MAPK8: variants seen among roughly 807,000 people sequenced by gnomAD.
MAPK8 encodes the protein mitogen-activated protein kinase 8.
In MAPK8, 13 loss-of-function variants were observed where a neutral mutation model predicts 52.9. The ratio of observed to expected loss-of-function variants is 0.25; its 90% CI spans 0.16 to 0.39. The LOEUF is 0.39. Among genes scored for constraint, MAPK8 ranks in the 10% least tolerant of loss-of-function variants. The pLI is 1.00. For missense variants in MAPK8, 300 were observed against 519.2 expected (o/e 0.58, Z 4.10); for synonymous variants, 191 against 169.8 (o/e 1.12, Z -0.97).
At chr10:48,310,179 C>G (rs1841834831) in intron 1 of MAPK8, among the ~76,000 whole-genome samples, 1 of 152,168 alleles carries the variant, frequency 6.6e-6, no homozygotes, top group African/African-American at 2.4e-5. Context: ...TCATCAAATT[C>G]TGGAGCTTTA....
chr10:48,380,089 A>G (rs1373300137), intron 1 of MAPK8, among the ~76,000 whole-genome samples: 1 of 152,144 alleles, frequency 6.6e-6, no homozygotes, highest in East Asian at 1.9e-4. Context: ...TAAAAATACA[A>G]AAATTAGCCG....
chr10:48,373,787 A>T (rs1040043540), intron 1 of MAPK8, among the ~76,000 whole-genome samples: 4 of 151,992 alleles, frequency 2.6e-5, no homozygotes, highest in African/African-American at 9.7e-5. Flanking sequence ...AGACTCCCAC[A>T]CAATAATAGT....
chr10:48,427,305 C>T (rs1040537249), intron 10 of MAPK8, 162 bp downstream of exon 10: 3 of 497,404 alleles, frequency 6.0e-6, no homozygotes, highest in South Asian at 2.3e-5. Context: ...TGCTTCCTTC[C>T]TTAACTTAAT....
chr10:48,378,275 A>C (rs2040792540), intron 1 of MAPK8, among the ~76,000 whole-genome samples: 1 of 152,180 alleles, frequency 6.6e-6, no homozygotes, highest in Admixed American at 6.5e-5. Flanking sequence ...CCAAAAGCTG[A>C]CTTAGGATGG....
At chr10:48,407,358 GTGTC>G (rs983311439) in intron 3 of MAPK8, among the ~76,000 whole-genome samples, 2 of 152,100 alleles carry the variant, frequency 1.3e-5, no homozygotes, top group Admixed American at 1.3e-4. Flanking sequence ...TTCATATACT[GTGTC>G]TGGTTGCATT....
At chr10:48,383,411 A>G (rs1380898299) in intron 1 of MAPK8, among the ~76,000 whole-genome samples, 1 of 152,234 alleles carries the variant, frequency 6.6e-6, no homozygotes, top group East Asian at 1.9e-4. Flanking sequence ...GGGTACCCTA[A>G]AGGGTCAAGA....
intron 1 of MAPK8, among the ~76,000 whole-genome samples, chr10:48,380,315 A>G (rs937114902): frequency 6.6e-6 from 1 of 152,232 alleles, no homozygotes; most frequent in African/African-American, 2.4e-5. Context: ...ATTGCATACA[A>G]TTTTGGAACA....
At chr10:48,341,204 G>A (rs1201589579) in intron 1 of MAPK8, among the ~76,000 whole-genome samples, 3 of 152,210 alleles carry the variant, frequency 2.0e-5, no homozygotes, top group Non-Finnish European at 4.4e-5. Context: ...ATACTGGACA[G>A]TGAAATGTTT....
intron 1 of MAPK8, among the ~76,000 whole-genome samples, chr10:48,324,503 GTTTTT>G (rs370766776): frequency 1.7e-5 from 2 of 118,020 alleles, no homozygotes; most frequent in Non-Finnish European, 3.3e-5. Context: ...CTGTTTTCTA[GTTTTT>G]TTTTTTTTTT....
intron 1 of MAPK8, among the ~76,000 whole-genome samples, chr10:48,348,010 C>T (rs1345278388): frequency 2.0e-5 from 3 of 152,240 alleles, no homozygotes; most frequent in Non-Finnish European, 4.4e-5. Flanking sequence ...TACACTCCCA[C>T]TAACAGTGTA....
Position 48,437,948 on chromosome 10 carries a change from GA to G in MAPK8, c.*2922del, listed in dbSNP as rs2044987140. 1 of 152,244 alleles carries G rather than the reference GA, an allele frequency of 6.6e-6. No homozygotes were observed. Among genetic ancestry groups the G allele is most frequent in the African/African-American group, 2.4e-5 (1 of 41,470 alleles). The allele number at this position is 152,244 out of a possible 1,614,324, so 9.4% of individuals were successfully genotyped here. ...GAAGAGGACATCAGTGTCTGATAGT[GA>G]AATCATCAGCAGGAAAGTGAAGCTC... On this transcript the variant is annotated 3_prime_UTR_variant, in exon 12 of 12. Transcript: ENST00000374189.
At chr10:48,337,127 CACACGT>C (rs978079743) in intron 1 of MAPK8, among the ~76,000 whole-genome samples, 1 of 152,132 alleles carries the variant, frequency 6.6e-6, no homozygotes, top group African/African-American at 2.4e-5. Context: ...GGACGTAATA[CACACGT>C]ACAGAATACC....
chr10:48,386,897 T>C (rs1162163170), intron 1 of MAPK8, among the ~76,000 whole-genome samples: 3 of 152,230 alleles, frequency 2.0e-5, no homozygotes, highest in Non-Finnish European at 4.4e-5. Flanking sequence ...ATAACTTGAA[T>C]GTCTGAATGA....
At chr10:48,342,138 C>T (rs1175723728) in intron 1 of MAPK8, among the ~76,000 whole-genome samples, 2 of 152,204 alleles carry the variant, frequency 1.3e-5, no homozygotes, top group Admixed American at 1.3e-4. Flanking sequence ...GACGGGGTCT[C>T]TGTTGCTTAG....
chr10:48,318,336 A>G (rs1185012200), intron 1 of MAPK8, among the ~76,000 whole-genome samples: 1 of 152,216 alleles, frequency 6.6e-6, no homozygotes, highest in African/African-American at 2.4e-5. Flanking sequence ...CCTTCACAGC[A>G]ACTACATTAG....
chr10:48,381,319 T>C (rs1347878786), intron 1 of MAPK8, among the ~76,000 whole-genome samples: 1 of 152,178 alleles, frequency 6.6e-6, no homozygotes, highest in Non-Finnish European at 1.5e-5. Flanking sequence ...CTTTAACCTC[T>C]AAACTAGGCA....
In MAPK8 at chr10:48,404,927, T is replaced by C. The variant is rs2042380442; in HGVS notation, c.198T>C (p.His66=). The C allele has an allele frequency of 6.2e-7, 1 of 1,610,074 alleles. No individual in the cohort carries two copies. The highest frequency in any genetic ancestry group is 1.3e-5 in the African/African-American group (1 of 74,826). The part of the protein sequence containing the change: ...KLSRPFQNQT[H]AKRAYRELVL... The stretch of plus-strand genomic sequence containing the variant: ...GCCGACCATTTCAGAATCAGACTCA[T>C]GCCAAGCGGGCCTACAGAGAGCTAG... The change falls in exon 3 of 12, where the codon CAT becomes CAC. Residue 66 remains histidine, a synonymous_variant. Transcript: ENST00000374189.
intron 1 of MAPK8, among the ~76,000 whole-genome samples, chr10:48,379,451 A>C (rs1202948405): frequency 6.6e-6 from 1 of 152,226 alleles, no homozygotes; most frequent in African/African-American, 2.4e-5. Context: ...TATTGCACTT[A>C]TACAAACAAC....
intron 1 of MAPK8, among the ~76,000 whole-genome samples, chr10:48,397,272 C>G (rs1021605024): frequency 1.1e-4 from 17 of 151,978 alleles, no homozygotes; most frequent in African/African-American, 3.9e-4. Flanking sequence ...CCTCAGCCTC[C>G]CAAATAGCTA....
Sources: allele counts gnomAD v4.1 joint callset (sites outside exome capture counted in the v4.1 genomes callset), GRCh38; gene constraint gnomAD v4.1.1; transcripts MANE v1.5; gene names NCBI Gene and HGNC (gene_info 2026-07-23, HGNC 2026-07-21).